Variants in ARFGEF3 observed in about 807,000 individuals in gnomAD.
ARFGEF3 encodes the protein ARFGEF family member 3.
In ARFGEF3, 96 loss-of-function variants were observed where a neutral mutation model predicts 221.7. The observed-to-expected ratio is 0.43, with a 90% CI of 0.37 to 0.51. The LOEUF (loss-of-function observed/expected upper bound fraction) is 0.51, where lower values mean the gene tolerates loss of function less well. Ranked by LOEUF, ARFGEF3 falls within the 20% of genes least tolerant of loss-of-function variation. The pLI is 0.00. For synonymous variants in ARFGEF3, 1,145 were observed against 1,126.8 expected (o/e 1.02, Z -0.32); for missense variants, 2,410 against 2,789.9 (o/e 0.86, Z 3.07).
chr6:138,282,565 A>G (rs953622357), intron 14 of ARFGEF3, among the ~76,000 whole-genome samples: 1 of 152,236 alleles, frequency 6.6e-6, no homozygotes, highest in Non-Finnish European at 1.5e-5. Context: ...GCAGAAGGTC[A>G]GAACATACAG....
At chr6:138,327,611 G>C (rs1216159341) in intron 31 of ARFGEF3, among the ~76,000 whole-genome samples, 1 of 152,134 alleles carries the variant, frequency 6.6e-6, no homozygotes, top group Non-Finnish European at 1.5e-5. Flanking sequence ...GTAACCATCA[G>C]TAATCCTGAC....
In ARFGEF3 at chr6:138,291,963, G is replaced by C; in HGVS notation, c.3278G>C (p.Arg1093Pro). The change falls in exon 19 of 34, where the codon CGG becomes CCG. Residue 1093 changes from arginine (R) to proline (P), a missense_variant. Coordinates refer to ENST00000251691, the MANE Select transcript of ARFGEF3 (RefSeq NM_020340.5). The surrounding 1 kb of genome is among the most constrained non-coding windows in gnomAD (Gnocchi z 4.5). ...SIQDLVREGS[R>P]GRASDFRGGS... ...CAGGACCTCGTCCGGGAAGGCAGCC[G>C]GGGTCGGGCCTCCGACTTCCGCGGC... 1 of 1,532,652 alleles carries C rather than the reference G, an allele frequency of 6.5e-7. No individual in the cohort carries two copies. Among genetic ancestry groups the C allele is most frequent in the Non-Finnish European group, 8.8e-7 (1 of 1,141,722 alleles). 94.9% of individuals were successfully genotyped at this position (1,532,652 alleles called of 1,614,324 possible).
chr6:138,277,556 G>T (rs1192913163), intron 12 of ARFGEF3, among the ~76,000 whole-genome samples: 1 of 152,174 alleles, frequency 6.6e-6, no homozygotes, highest in Non-Finnish European at 1.5e-5. Flanking sequence ...TTGAAAAGTT[G>T]TATTAATAAC....
rs1779137790 is a variant in ARFGEF3, at chr6:138,278,470, C to T, written c.2148C>T (p.Gly716=). Residue 716 remains glycine (G), a synonymous_variant, in exon 13 of 34, where the codon GGC becomes GGT. Transcript: ENST00000251691. ...CCTTAGGCATGATGCACTCTCCTGG[C>T]TTTGACGGGAATAGCAGCCTCAGCT... The part of the protein sequence containing the change: ...TFCSGMMHSP[G]FDGNSSLSFQ... 6.2e-7 allele frequency: 1 copy of T among 1,613,802 alleles called. No homozygotes were observed. The highest frequency in any genetic ancestry group is 8.5e-7 in the Non-Finnish European group (1 of 1,179,888).
chr6:138,229,006 C>G lies in ARFGEF3; in HGVS notation c.352-778C>G, dbSNP rs750265847. 1.1e-3 allele frequency among the ~76,000 whole-genome samples: 173 copies of G among 152,332 alleles called. 2 individuals are homozygous for G. Among genetic ancestry groups the G allele is most frequent in the Middle Eastern group, 6.8e-3 (2 of 294 alleles). The stretch of plus-strand genomic sequence containing the variant: ...CCACAGGCTTTTATTGATCTGTTCC[C>G]TAAAGGCTCTACAAGTAGAAAGTGA... On this transcript the variant is annotated intron_variant, in intron 4 of 33. Coordinates refer to ENST00000251691, the MANE Select transcript of ARFGEF3 (RefSeq NM_020340.5).
rs80312375 is a variant in ARFGEF3, at chr6:138,273,085, T to A, written c.2129-5366T>A. On this transcript the variant is annotated intron_variant, in intron 12 of 33. Transcript: ENST00000251691. ...TCAATATCGAGACACATCTAACACA[T>A]ATTTTTAGAAAACGTCAAGTTACAG... 9.7e-3 allele frequency among the ~76,000 whole-genome samples: 1,471 copies of A among 152,284 alleles called. 19 individuals are homozygous for A. Among genetic ancestry groups the A allele is most frequent in the African/African-American group, 0.029 (1,200 of 41,548 alleles).
intron 2 of ARFGEF3, among the ~76,000 whole-genome samples, chr6:138,198,466 G>A (rs1439244759): frequency 1.3e-5 from 2 of 152,256 alleles, no homozygotes; most frequent in Non-Finnish European, 2.9e-5. Flanking sequence ...TTTAGTTCCA[G>A]TTGGCTCAAT....
chr6:138,162,774 C>G lies in ARFGEF3; in HGVS notation c.85+603C>G, dbSNP rs181885905. 3.5e-3 allele frequency among the ~76,000 whole-genome samples: 534 copies of G among 152,170 alleles called. 1 individual carries two copies. Among genetic ancestry groups the G allele is most frequent in the Non-Finnish European group, 6.3e-3 (426 of 68,010 alleles). On this transcript the variant is annotated intron_variant, in intron 1 of 33. Transcript: ENST00000251691. The surrounding 1 kb of genome is among the most constrained non-coding windows in gnomAD (Gnocchi z 4.7). ...AGCTGTGCTAGCGTTGAAGTAAGTT[C>G]CAGGGAGCAAATTTGTGTTTCTCAT...
intron 2 of ARFGEF3, among the ~76,000 whole-genome samples, chr6:138,188,972 G>A (rs1777243653): frequency 6.6e-6 from 1 of 152,166 alleles, no homozygotes; most frequent in African/African-American, 2.4e-5. Flanking sequence ...ATTACTGCTG[G>A]GAGAAGTTGC....
intron 2 of ARFGEF3, among the ~76,000 whole-genome samples, chr6:138,205,082 C>A (rs1228973856): frequency 6.6e-6 from 1 of 152,146 alleles, no homozygotes; most frequent in Non-Finnish European, 1.5e-5. Context: ...TGGCAGTAAT[C>A]CACAGATGGC....
At chr6:138,180,174 T>C (rs1777050422) in intron 2 of ARFGEF3, among the ~76,000 whole-genome samples, 1 of 152,204 alleles carries the variant, frequency 6.6e-6, no homozygotes, top group Admixed American at 6.5e-5. Flanking sequence ...GAACTTTGTA[T>C]GATTTAACAT....
chr6:138,276,948 G>A (rs1199988277), intron 12 of ARFGEF3, among the ~76,000 whole-genome samples: 1 of 152,204 alleles, frequency 6.6e-6, no homozygotes, highest in Non-Finnish European at 1.5e-5. Context: ...TTACAGGTGT[G>A]AGCCACTGCA....
At chr6:138,255,415 T>C in intron 9 of ARFGEF3, 21 bp from the exon 10 acceptor site, 10 of 1,546,298 alleles carry the variant, frequency 6.5e-6, no homozygotes, top group Non-Finnish European at 8.8e-6. Flanking sequence ...GAAAGTTACT[T>C]TTCTCACCAT....
At chr6:138,243,344 C>A (rs189103223) in intron 7 of ARFGEF3, among the ~76,000 whole-genome samples, 11 of 152,030 alleles carry the variant, frequency 7.2e-5, no homozygotes, top group African/African-American at 2.4e-4. Context: ...ATTATAGAAA[C>A]CTGATTGGCA....
In ARFGEF3 at chr6:138,265,049, GCC is replaced by G. The variant is rs1562372923; in HGVS notation, c.2128+1440_2128+1441del. On this transcript the variant is annotated intron_variant, in intron 12 of 33. Transcript: ENST00000251691. ...CTCCCAAGTAGCTGGGACTACAGGC[GCC>G]CACCACCACACCGGGCTAATTTTTT... 4.6e-5 allele frequency among the ~76,000 whole-genome samples: 7 copies of G among 151,392 alleles called. No individual in the cohort carries two copies. In the East Asian group the frequency reaches 7.8e-4, roughly 17 times the overall value.
chr6:138,297,017 A>G, intron 21 of ARFGEF3, 62 bp downstream of exon 21: 1 of 1,544,344 alleles, frequency 6.5e-7, no homozygotes, highest in Non-Finnish European at 8.7e-7. Flanking sequence ...CAGAGCCAGC[A>G]TGGGGGCCTG....
Position 138,317,364 on chromosome 6 carries a change from G to A in ARFGEF3, c.4459G>A (p.Val1487Met), listed in dbSNP as rs1435002177. Residue 1487 changes from valine (V) to methionine (M), a missense_variant, in exon 27 of 34, where the codon GTG becomes ATG. By Grantham distance (21) the Val-to-Met change is conservative. Around this residue, in one of 5 missense-constraint regions of ARFGEF3, gnomAD observed 723 missense variants for 991.9 expected, o/e 0.73. Transcript: ENST00000251691. ...TTTACTCTTTGAGCTGTTGAGAGAT[G>A]TGACGAAAACACCAGGTAAATATTT... ...LDLLFELLRD[V>M]TKTPGPGFGI... 3.7e-6 allele frequency: 6 copies of A among 1,613,998 alleles called. No homozygotes were observed. The highest frequency in any genetic ancestry group is 5.1e-6 in the Non-Finnish European group (6 of 1,179,894).
chr6:138,335,310 C>A, intron 33 of ARFGEF3, 122 bp downstream of exon 33: 1 of 967,024 alleles, frequency 1.0e-6, no homozygotes, highest in Non-Finnish European at 1.4e-6. Flanking sequence ...GGGTATGAAC[C>A]GATTTCCCTC....
intron 22 of ARFGEF3, among the ~76,000 whole-genome samples, chr6:138,300,609 A>T (rs1183175288): frequency 6.6e-6 from 1 of 152,220 alleles, no homozygotes; most frequent in Non-Finnish European, 1.5e-5. Context: ...TAAAAAAAGG[A>T]AGATATTGGG....
Sources: allele counts gnomAD v4.1 joint callset (sites outside exome capture counted in the v4.1 genomes callset), GRCh38; gene constraint gnomAD v4.1.1; regional missense constraint gnomAD v4.1.1; non-coding constraint Gnocchi (gnomAD v3.1); transcripts MANE v1.5; gene names NCBI Gene and HGNC (gene_info 2026-07-23, HGNC 2026-07-21).